Variants in STX18 observed in about 807,000 individuals in gnomAD.
STX18 encodes syntaxin 18.
Under a neutral mutation model 50.1 loss-of-function variants are expected in STX18, and 40 were observed. That is an observed-to-expected ratio of 0.80 (90% CI 0.62 to 1.04). STX18 has a LOEUF of 1.04. Among genes scored for constraint, STX18 ranks in the 50% least tolerant of loss-of-function variants. The probability of loss-of-function intolerance (pLI) is 0.00; values close to 1 mark genes in which losing one functional copy is unlikely to be tolerated. For missense variants in STX18, 410 were observed against 415.8 expected (o/e 0.99, Z 0.12); for synonymous variants, 158 against 151.8 (o/e 1.04, Z -0.30).
At chr4:4,426,758 T>G (rs1725260558) in intron 7 of STX18, 1 of 152,588 alleles carries the variant, frequency 6.6e-6, no homozygotes, top group African/African-American at 2.4e-5. Flanking sequence ...CAACCTGTTA[T>G]CCAATCCTTG....
intron 1 of STX18, among the ~76,000 whole-genome samples, chr4:4,511,604 CCTT>C (rs146422736): frequency 0.022 from 3,387 of 152,080 alleles, 121 homozygotes; most frequent in African/African-American, 0.077. Context: ...AATCAATAGT[CCTT>C]CTAAACCTGG....
At chr4:4,454,912 T>C (rs760976234) in intron 5 of STX18, among the ~76,000 whole-genome samples, 2 of 152,262 alleles carry the variant, frequency 1.3e-5, no homozygotes, top group Non-Finnish European at 2.9e-5. Flanking sequence ...TGCTTAGTGG[T>C]AGATAATAGT....
At chr4:4,451,739 T>A (rs118010504) in intron 5 of STX18, among the ~76,000 whole-genome samples, 1 of 152,182 alleles carries the variant, frequency 6.6e-6, no homozygotes, top group African/African-American at 2.4e-5. Context: ...CCCGGCCCAG[T>A]TGTTCCCATT....
At chr4:4,481,723 T>C (rs902423604) in intron 1 of STX18, 1 of 152,160 alleles carries the variant, frequency 6.6e-6, no homozygotes, top group African/African-American at 2.4e-5. Flanking sequence ...CTAACACACC[T>C]CTGGAGCATG....
intron 1 of STX18, among the ~76,000 whole-genome samples, chr4:4,474,011 C>T (rs1314180347): frequency 1.3e-5 from 2 of 152,152 alleles, no homozygotes; most frequent in Non-Finnish European, 2.9e-5. Flanking sequence ...GCCGCACACC[C>T]CGCACCACTC....
chr4:4,455,088 T>C (rs1467747547), intron 5 of STX18, among the ~76,000 whole-genome samples: 1 of 152,194 alleles, frequency 6.6e-6, no homozygotes, highest in Non-Finnish European at 1.5e-5. Context: ...AGTTTGAAAG[T>C]GGCAGAGCCA....
At chr4:4,507,669 G>C in intron 1 of STX18, 3 of 815,070 alleles carry the variant, frequency 3.7e-6, no homozygotes, top group Non-Finnish European at 6.5e-6. Flanking sequence ...ATAAAGGTTC[G>C]TTTGGACAAA....
intron 1 of STX18, among the ~76,000 whole-genome samples, chr4:4,539,431 T>C (rs995286796): frequency 6.6e-6 from 1 of 152,234 alleles, no homozygotes; most frequent in Non-Finnish European, 1.5e-5. Context: ...CTAGCTCTTC[T>C]AGTTAAACTT....
intron 1 of STX18, among the ~76,000 whole-genome samples, chr4:4,496,406 C>G (rs960832427): frequency 6.6e-6 from 1 of 152,134 alleles, no homozygotes; most frequent in African/African-American, 2.4e-5. Flanking sequence ...TGCAGCCAAC[C>G]CGCCATCAAG....
chr4:4,493,249 C>A (rs1396872127), intron 1 of STX18, among the ~76,000 whole-genome samples: 4 of 152,128 alleles, frequency 2.6e-5, no homozygotes, highest in Admixed American at 1.3e-4. Context: ...CTCTAAGCAA[C>A]CCCAATTTTT....
intron 1 of STX18, among the ~76,000 whole-genome samples, chr4:4,521,959 T>C (rs1730526370): frequency 6.6e-6 from 1 of 152,192 alleles, no homozygotes; most frequent in Non-Finnish European, 1.5e-5. Flanking sequence ...CTGCAGGACA[T>C]TCCAGGCTCA....
In STX18 at chr4:4,457,214, T is replaced by C. The variant is rs764762469; in HGVS notation, c.474A>G (p.Lys158=). ...LYSEQRAIRV[K]RVVDKKRLSK... ...ACAATCTTTTCTTATCCACCACTCT[T>C]TTAACTCGGATGGCTCTCTGTTCTG... The change falls in exon 5 of 11, where the codon AAA becomes AAG. Residue 158 remains lysine (K), a synonymous_variant. Coordinates refer to ENST00000306200, the MANE Select transcript of STX18 (RefSeq NM_016930.4). The C allele has an allele frequency of 2.5e-6, 4 of 1,613,992 alleles. No individual in the cohort carries two copies. Among genetic ancestry groups the C allele is most frequent in the Admixed American group, 1.7e-5 (1 of 60,002 alleles).
intron 6 of STX18, among the ~76,000 whole-genome samples, chr4:4,437,145 G>C (rs890821752): frequency 6.6e-6 from 1 of 152,000 alleles, no homozygotes; most frequent in Non-Finnish European, 1.5e-5. Context: ...TTTTAGTAGA[G>C]ATGGGGTTTT....
chr4:4,488,614 C>T (rs1263871600), intron 1 of STX18, among the ~76,000 whole-genome samples: 1 of 152,174 alleles, frequency 6.6e-6, no homozygotes, highest in African/African-American at 2.4e-5. Context: ...CCTCAGTGAG[C>T]AGTACAGTAC....
At chr4:4,445,220 A>G (rs923231902) in intron 5 of STX18, among the ~76,000 whole-genome samples, 1 of 152,160 alleles carries the variant, frequency 6.6e-6, no homozygotes, top group African/African-American at 2.4e-5. Flanking sequence ...CAGCCTGGCC[A>G]ACGAGGTGAA....
chr4:4,516,570 TCTAA>T (rs1198810880), intron 1 of STX18, among the ~76,000 whole-genome samples: 1 of 152,214 alleles, frequency 6.6e-6, no homozygotes, highest in Non-Finnish European at 1.5e-5. Flanking sequence ...AAAAATATTT[TCTAA>T]CTGACTCAAG....
chr4:4,535,271 T>C (rs1402054718), intron 1 of STX18, among the ~76,000 whole-genome samples: 8 of 152,220 alleles, frequency 5.3e-5, no homozygotes, highest in Admixed American at 2.6e-4. Flanking sequence ...GTTCAGTGTT[T>C]ATTGGATGAT....
At chr4:4,522,393 C>T (rs1298895298) in intron 1 of STX18, among the ~76,000 whole-genome samples, 2 of 152,144 alleles carry the variant, frequency 1.3e-5, no homozygotes, top group Non-Finnish European at 2.9e-5. Flanking sequence ...ATTTAAGCTT[C>T]GTGCCTGCTT....
At chr4:4,439,562 AC>A (rs1725995269) in intron 5 of STX18, among the ~76,000 whole-genome samples, 1 of 130,722 alleles carries the variant, frequency 7.6e-6, no homozygotes, top group Non-Finnish European at 1.7e-5. Context: ...ACACATATAT[AC>A]CCCCTACCCA....
Sources: gnomAD v4.1 joint callset for allele counts (sites outside exome capture counted in the v4.1 genomes callset) on GRCh38, gnomAD v4.1.1 for gene constraint, MANE v1.5 for transcripts, NCBI Gene and HGNC (gene_info 2026-07-23, HGNC 2026-07-21) for gene names.